Variants in ARHGEF2 observed in about 807,000 individuals in gnomAD.
ARHGEF2 encodes Rho/Rac guanine nucleotide exchange factor 2.
A neutral mutation model predicts 121.0 loss-of-function variants in ARHGEF2; 22 were observed. That is an observed-to-expected ratio of 0.18 (90% CI 0.13 to 0.26). The LOEUF (loss-of-function observed/expected upper bound fraction) is 0.26. ARHGEF2 is among the 10% of genes least tolerant of loss of function. The pLI, the probability that ARHGEF2 is intolerant of heterozygous loss-of-function variation, is 1.00. For missense variants in ARHGEF2, 907 were observed against 1,336.0 expected, an observed-to-expected ratio of 0.68 and a Z score of 5.01; for synonymous variants, 487 against 530.0, an observed-to-expected ratio of 0.92 and a Z score of 1.11.
rs758635294 is a variant in ARHGEF2, at chr1:155,965,307, G to A, written c.576C>T (p.Asp192=). ...NRTLSVESLI[D]EAEVIYSELM... is the part of the protein sequence containing the mutation. ...CCTGGGCCCAGGCCTGCTCACCTTC[G>A]TCAATGAGGGATTCCACGGATAGGG... Residue 192 remains aspartate, a synonymous_variant, in exon 6 of 22, where the codon GAC becomes GAT. Coordinates refer to ENST00000361247, the MANE Select transcript of ARHGEF2 (RefSeq NM_001162383.2). This position sits in a 1 kb window ranked among gnomAD's most constrained non-coding sequence, Gnocchi z 6.0. The A allele has an allele frequency of 8.1e-6, 13 of 1,613,888 alleles. No individual in the cohort carries two copies. The South Asian group carries it at 8.8e-5, about 11-fold the overall frequency.
At chr1:155,953,746 C>CAAAAAAA (rs926082849) in intron 14 of ARHGEF2, among the ~76,000 whole-genome samples, 1 of 45,284 alleles carries the variant, frequency 2.2e-5, no homozygotes. Flanking sequence ...GACCCTGTCT[C>CAAAAAAA]AAAAAAAAAA....
chr1:155,964,844 G>C, intron 7 of ARHGEF2, 144 bp downstream of exon 7: 1 of 892,196 alleles, frequency 1.1e-6, no homozygotes, highest in Non-Finnish European at 1.6e-6. Flanking sequence ...AGTGAGCCGA[G>C]ATCATGCCAC....
intron 1 of ARHGEF2, chr1:155,969,784 C>T: frequency 5.1e-6 from 5 of 987,898 alleles, no homozygotes; most frequent in Non-Finnish European, 6.0e-6. Flanking sequence ...GTTGGATCTG[C>T]TGTCTCTGTG....
chr1:155,969,805 T>TGG, intron 1 of ARHGEF2: 1 of 984,902 alleles, frequency 1.0e-6, no homozygotes. Flanking sequence ...GCAGTCACAG[T>TGG]GGGGGGGGCA....
intron 1 of ARHGEF2, among the ~76,000 whole-genome samples, chr1:155,973,345 C>T (rs1558051553): frequency 6.6e-6 from 1 of 152,130 alleles, no homozygotes; most frequent in Non-Finnish European, 1.5e-5. Flanking sequence ...GCCATTCTCT[C>T]CTATTTCCTT....
In ARHGEF2 at chr1:155,969,209, A is replaced by G; in HGVS notation, c.155T>C (p.Met52Thr). Residue 52 changes from methionine to threonine, a missense_variant, in exon 2 of 22, where the codon ATG (methionine) becomes ACG (threonine). Physicochemically the swap from Met to Thr is moderately conservative, Grantham distance 81. Around this residue, in one of 2 missense-constraint regions of ARHGEF2, gnomAD observed 475 missense variants for 776.5 expected, o/e 0.61. Transcript: ENST00000361247. ...GATGCTCTTGTTACAGGCATAGCAC[A>G]TGGTCATGCCTGAAACTGAAATGGT... is the stretch of plus-strand genomic sequence containing the variant. ...FTTISVSGMT[M>T]CYACNKSITA... 4.3e-6 allele frequency: 7 copies of G among 1,614,226 alleles called. No homozygotes were observed. The highest frequency in any genetic ancestry group is 5.9e-6 in the Non-Finnish European group (7 of 1,180,022).
intron 7 of ARHGEF2, among the ~76,000 whole-genome samples, chr1:155,964,212 A>G (rs1678855301): frequency 1.5e-5 from 2 of 134,336 alleles, no homozygotes; most frequent in African/African-American, 2.9e-5. Flanking sequence ...ATATATATAT[A>G]TATATTTTTT....
At chr1:155,967,079 G>A (rs1221054106) in intron 2 of ARHGEF2, among the ~76,000 whole-genome samples, 192 bp from the exon 3 acceptor site, 1 of 152,134 alleles carries the variant, frequency 6.6e-6, no homozygotes, top group East Asian at 1.9e-4. Flanking sequence ...AGGAAATGAA[G>A]TGAGGGGGGT....
rs1048278120 is a variant in ARHGEF2, at chr1:155,961,972, C to G, written c.1220-63G>C. On this transcript the variant is annotated intron_variant, in intron 10 of 21. Transcript: ENST00000361247. This position sits in a 1 kb window ranked among gnomAD's most constrained non-coding sequence, Gnocchi z 4.7. ...GTTTCACTCACACCCCAGTTCCCAT[C>G]GTGTCTTGATTCCACCTTTAGAGGC... is the stretch of plus-strand genomic sequence containing the variant. 2.5e-6 allele frequency: 4 copies of G among 1,606,440 alleles called. No individual in the cohort carries two copies. Among genetic ancestry groups the G allele is most frequent in the Non-Finnish European group, 3.4e-6 (4 of 1,174,802 alleles).
chr1:155,953,874 C>T (rs1388125322), intron 14 of ARHGEF2, among the ~76,000 whole-genome samples: 1 of 151,806 alleles, frequency 6.6e-6, no homozygotes, highest in South Asian at 2.1e-4. Flanking sequence ...TCAGACATGA[C>T]ATAGAGATGA....
At chr1:155,973,495 T>C (rs1372560662) in intron 1 of ARHGEF2, among the ~76,000 whole-genome samples, 8 of 152,088 alleles carry the variant, frequency 5.3e-5, no homozygotes, top group Non-Finnish European at 1.2e-4. Flanking sequence ...CCTATAATCC[T>C]AACACTTTGA....
chr1:155,979,086 C>T, upstream of ARHGEF2: 1 of 985,724 alleles, frequency 1.0e-6, no homozygotes, highest in Non-Finnish European at 1.2e-6. Context: ...CAAAGGAGAA[C>T]TAAACGCTGG....
At chr1:155,963,442 T>C (rs1678394648) in intron 7 of ARHGEF2, among the ~76,000 whole-genome samples, 1 of 148,110 alleles carries the variant, frequency 6.8e-6, no homozygotes, top group Non-Finnish European at 1.5e-5. Context: ...ACCTCCTAGG[T>C]TCGAGCAGTT....
In ARHGEF2 at chr1:155,965,754, A is replaced by G. The variant is rs1572154623; in HGVS notation, c.347T>C (p.Ile116Thr). The G allele has an allele frequency of 6.3e-7, 1 of 1,595,740 alleles. No homozygotes were observed. Among genetic ancestry groups the G allele is most frequent in the South Asian group, 1.1e-5 (1 of 89,046 alleles). Reference protein sequence around the residue: ...QSVSLRSKTTIRERPSSAIYP... With the variant: ...QSVSLRSKTTTRERPSSAIYP... Reference sequence around the variant, plus strand: ...GATGGCCGAGCTTGGCCGCTCCCGGATGGTTGCTGTGGGGGAGAGATGCCC... The same window carrying G: ...GATGGCCGAGCTTGGCCGCTCCCGGGTGGTTGCTGTGGGGGAGAGATGCCC... Residue 116 changes from isoleucine to threonine, a missense_variant, in exon 5 of 22, where the codon ATC becomes ACC. This residue lies in a region of ARHGEF2 where 475 missense variants were observed against 776.5 expected (regional missense o/e 0.61). Transcript: ENST00000361247. This position sits in a 1 kb window ranked among gnomAD's most constrained non-coding sequence, Gnocchi z 6.0.
chr1:155,967,035 G>GGA, intron 2 of ARHGEF2, 148 bp from the exon 3 acceptor site: 1 of 685,218 alleles, frequency 1.5e-6, no homozygotes, highest in Non-Finnish European at 2.6e-6. Context: ...CCACACCCCA[G>GGA]TCCCTCTCCT....
chr1:155,974,393 C>G (rs988930332), intron 1 of ARHGEF2, among the ~76,000 whole-genome samples: 1 of 152,180 alleles, frequency 6.6e-6, no homozygotes, highest in Admixed American at 6.5e-5. Flanking sequence ...GTGGCTCAGC[C>G]CCTGTACAGC....
chr1:155,972,370 C>G (rs1181368821), intron 1 of ARHGEF2: 12 of 453,384 alleles, frequency 2.6e-5, no homozygotes, highest in Non-Finnish European at 5.4e-5. Flanking sequence ...CTGCCTAGTG[C>G]TATTGTCCCG....
intron 11 of ARHGEF2, among the ~76,000 whole-genome samples, chr1:155,959,586 C>G (rs1677459880): frequency 1.3e-5 from 2 of 152,108 alleles, no homozygotes; most frequent in African/African-American, 4.8e-5. Flanking sequence ...GCTCTGTCGC[C>G]CTGGCTGGAG....
intron 11 of ARHGEF2, among the ~76,000 whole-genome samples, chr1:155,960,442 T>A (rs1443053149): frequency 1.1e-4 from 17 of 149,276 alleles, no homozygotes; most frequent in African/African-American, 3.5e-4. Flanking sequence ...CACCCCAGCC[T>A]GAGCAGCAAA....
Sources: gnomAD v4.1 joint callset for allele counts (sites outside exome capture counted in the v4.1 genomes callset) on GRCh38, gnomAD v4.1.1 for gene constraint, gnomAD v4.1.1 regional missense constraint, Gnocchi (gnomAD v3.1) non-coding constraint, MANE v1.5 for transcripts, NCBI Gene and HGNC (gene_info 2026-07-23, HGNC 2026-07-21) for gene names.